The following CNDP1 variants were observed in gnomAD, a reference collection of about 807,000 sequenced individuals.
CNDP1 encodes the protein beta-Ala-His dipeptidase.
In CNDP1, 44 loss-of-function variants were observed where a neutral mutation model predicts 58.1. The observed-to-expected ratio is 0.76, with a 90% CI of 0.60 to 0.97. The LOEUF is 0.97. Ranked by LOEUF, CNDP1 falls within the 50% of genes least tolerant of loss-of-function variation. The probability of loss-of-function intolerance (pLI) is 0.00; values close to 1 mark genes in which losing one functional copy is unlikely to be tolerated. For synonymous variants in CNDP1, 254 were observed against 252.6 expected (o/e 1.01, Z -0.05); for missense variants, 616 against 655.1 (o/e 0.94, Z 0.65).
At position 74,557,616 on chromosome 18, in the gene CNDP1, T is replaced by A. The variant is rs143370210; in HGVS notation, c.153+1150T>A. ...ATCCCTACACACCCCCATATATGTATCCCCACACACCCCCACACATGTGCA... is the reference window on the plus strand; with the variant it reads ...ATCCCTACACACCCCCATATATGTAACCCCACACACCCCCACACATGTGCA... On this transcript the variant is annotated intron_variant, in intron 2 of 11. Transcript: ENST00000358821. 4.4e-4 allele frequency among the ~76,000 whole-genome samples: 67 copies of A among 151,910 alleles called. No homozygotes were observed. The East Asian group carries it at 0.012, about 28-fold the overall frequency.
intron 1 of CNDP1, among the ~76,000 whole-genome samples, chr18:74,541,105 A>C (rs1235708639): frequency 6.6e-6 from 1 of 152,172 alleles, no homozygotes; most frequent in Admixed American, 6.5e-5. Context: ...TTCACACCGG[A>C]AACTTGTAGG....
intron 6 of CNDP1, among the ~76,000 whole-genome samples, chr18:74,567,808 G>A (rs1043500812): frequency 3.9e-5 from 6 of 152,240 alleles, no homozygotes; most frequent in African/African-American, 1.2e-4. Context: ...TGCTCCCAGC[G>A]TGGGCCTGCT....
chr18:74,537,742 CAA>C lies in CNDP1; in HGVS notation c.24+3053_24+3054del, dbSNP rs1444140206. 2.0e-5 allele frequency among the ~76,000 whole-genome samples: 3 copies of C among 152,132 alleles called. No homozygotes were observed. The East Asian group carries it at 5.8e-4, about 29-fold the overall frequency. On this transcript the variant is annotated intron_variant, in intron 1 of 11. Coordinates refer to ENST00000358821, the MANE Select transcript of CNDP1 (RefSeq NM_032649.6). ...AGTGCCCAGGCCCAGTCACTCCGGG[CAA>C]AGAGTGGTACCTGGGATATGGACTC...
intron 1 of CNDP1, among the ~76,000 whole-genome samples, chr18:74,540,143 T>C (rs1980581080): frequency 1.3e-5 from 2 of 152,054 alleles, no homozygotes; most frequent in African/African-American, 4.8e-5. Context: ...ACTTTACATT[T>C]GTGTGGTATA....
chr18:74,577,037 C>A lies in CNDP1; in HGVS notation c.1002+8C>A. ...TTTCTGTTCGATACTAAGGTATGGC[C>A]ACAGACTGATGGATAAGCTGGAAGA... is the stretch of plus-strand genomic sequence containing the variant. On this transcript the variant is annotated splice_region_variant and intron_variant, in intron 8 of 11. Coordinates refer to ENST00000358821, the MANE Select transcript of CNDP1 (RefSeq NM_032649.6). 1 of 1,601,246 alleles carries A rather than the reference C, an allele frequency of 6.2e-7. No individual in the cohort carries two copies. The highest frequency in any genetic ancestry group is 1.1e-5 in the South Asian group (1 of 87,690).
At chr18:74,558,789 GC>G (rs1307613493) in intron 2 of CNDP1, among the ~76,000 whole-genome samples, 5 of 152,148 alleles carry the variant, frequency 3.3e-5, no homozygotes, top group African/African-American at 1.2e-4. Flanking sequence ...CTGAGTTTAA[GC>G]CCGAGGTCAC....
Position 74,561,256 on chromosome 18 carries a change from A to G in CNDP1, c.466+238A>G, listed in dbSNP as rs991774090. On this transcript the variant is annotated intron_variant, in intron 4 of 11. Transcript: ENST00000358821. ...ATGGCAAAACCCTCTCTCTACTAAA[A>G]ATACAAAAAAATAGCTGGGCATGGT... 9 of 398,602 alleles carry G rather than the reference A, an allele frequency of 2.3e-5. 1 individual carries two copies. The highest frequency in any genetic ancestry group is 3.2e-5 in the Non-Finnish European group (7 of 218,794). The allele number at this position is 398,602 out of a possible 1,614,324, so 24.7% of individuals were successfully genotyped here.
At chr18:74,541,177 A>G (rs1257473945) in intron 1 of CNDP1, among the ~76,000 whole-genome samples, 1 of 152,242 alleles carries the variant, frequency 6.6e-6, no homozygotes, top group Non-Finnish European at 1.5e-5. Flanking sequence ...GGGGGCTCAC[A>G]GTGAGTGCAG....
At position 74,584,709 on chromosome 18, in the gene CNDP1, A is replaced by G. The variant is rs1981869246; in HGVS notation, c.*147A>G. On this transcript the variant is annotated 3_prime_UTR_variant, in exon 12 of 12. Coordinates refer to ENST00000358821, the MANE Select transcript of CNDP1 (RefSeq NM_032649.6). ...ATTTAAAATGTCTTGGGATATCTGGATCAGTAATAAAATATTTCAAAGGCA... is the reference window on the plus strand; with the variant it reads ...ATTTAAAATGTCTTGGGATATCTGGGTCAGTAATAAAATATTTCAAAGGCA... 3 of 642,594 alleles carry G rather than the reference A, an allele frequency of 4.7e-6. No individual in the cohort carries two copies. The East Asian group carries it at 8.2e-5, about 18-fold the overall frequency. 39.8% of individuals were successfully genotyped at this position (642,594 alleles called of 1,614,324 possible).
chr18:74,556,723 T>G (rs1029975809), intron 2 of CNDP1, among the ~76,000 whole-genome samples: 2 of 152,170 alleles, frequency 1.3e-5, no homozygotes, highest in Non-Finnish European at 2.9e-5. Flanking sequence ...CACACAGAGA[T>G]GACCAGCACC....
In CNDP1 at chr18:74,559,556, C is replaced by T. The variant is rs947469624; in HGVS notation, c.303+84C>T. ...TCCCGGGGGTGGCAAGGGAGAGGCTCACCCTGATCCTCAACCACAACCCCC... is the reference window on the plus strand; with the variant it reads ...TCCCGGGGGTGGCAAGGGAGAGGCTTACCCTGATCCTCAACCACAACCCCC... On this transcript the variant is annotated intron_variant, in intron 3 of 11. Transcript: ENST00000358821. 2.2e-5 allele frequency: 29 copies of T among 1,309,080 alleles called. No homozygotes were observed. In the South Asian group the frequency reaches 3.8e-4, roughly 17 times the overall value. 81.1% of individuals were successfully genotyped at this position (1,309,080 alleles called of 1,614,324 possible).
chr18:74,541,515 G>T (rs1980623660), intron 1 of CNDP1, among the ~76,000 whole-genome samples: 1 of 152,144 alleles, frequency 6.6e-6, no homozygotes, highest in African/African-American at 2.4e-5. Context: ...GGGGTGGGTG[G>T]GTCCAGCCAC....
intron 6 of CNDP1, among the ~76,000 whole-genome samples, chr18:74,570,244 A>T (rs909010591): frequency 1.6e-3 from 24 of 15,292 alleles, no homozygotes; most frequent in African/African-American, 5.5e-3. Context: ...TAAATAATTA[A>T]AAAAAAAGAA....
intron 1 of CNDP1, among the ~76,000 whole-genome samples, chr18:74,549,271 A>G (rs139040053): frequency 0.021 from 3,199 of 152,346 alleles, 115 homozygotes; most frequent in African/African-American, 0.073. Flanking sequence ...GTCAAATCCT[A>G]GAAAACGTAG....
Position 74,570,218 on chromosome 18 carries a change from T to TAATAATAATAATAATAA in CNDP1, c.757-968_757-967insAATAATAATAATAATAA, listed in dbSNP as rs56019800. Among the ~76,000 whole-genome samples the TAATAATAATAATAATAA allele has an allele frequency of 9.0e-4, 88 of 97,898 alleles. 1 individual carries two copies. The highest frequency in any genetic ancestry group is 1.5e-3 in the African/African-American group (52 of 35,382). 64.2% of individuals were successfully genotyped at this position (97,898 alleles called of 152,430 possible). ...TGTCTCAAAATAATAATAATAATAA[T>TAATAATAATAATAATAA]TAATAATAATAATAATAAATAATTA... On this transcript the variant is annotated intron_variant, in intron 6 of 11. Coordinates refer to ENST00000358821, the MANE Select transcript of CNDP1 (RefSeq NM_032649.6).
At chr18:74,560,746 T>A (rs905366444) in intron 3 of CNDP1, 110 bp from the exon 4 acceptor site, 2 of 998,018 alleles carry the variant, frequency 2.0e-6, no homozygotes, top group South Asian at 2.9e-5. Context: ...ATGGAGAAAC[T>A]GATGCTCAGT....
intron 5 of CNDP1, among the ~76,000 whole-genome samples, chr18:74,564,797 G>A (rs922938735): frequency 2.0e-5 from 3 of 152,146 alleles, no homozygotes; most frequent in South Asian, 2.1e-4. Flanking sequence ...CTTCACAATC[G>A]TAGTTACAAC....
chr18:74,543,454 C>G (rs1980678992), intron 1 of CNDP1, among the ~76,000 whole-genome samples: 1 of 152,002 alleles, frequency 6.6e-6, no homozygotes, highest in Admixed American at 6.6e-5. Flanking sequence ...GATCACACCA[C>G]TGTACTCCAG....
At chr18:74,559,613 T>G in intron 3 of CNDP1, 141 bp downstream of exon 3, 56 of 714,926 alleles carry the variant, frequency 7.8e-5, no homozygotes, top group Non-Finnish European at 8.8e-5. Flanking sequence ...AGATGAAACA[T>G]TCCCCTGGTC....
Sources: allele counts gnomAD v4.1 joint callset (sites outside exome capture counted in the v4.1 genomes callset), GRCh38; gene constraint gnomAD v4.1.1; transcripts MANE v1.5; gene names NCBI Gene and HGNC (gene_info 2026-07-23, HGNC 2026-07-21).